Variants in KCNK17 observed in about 807,000 individuals in gnomAD.
KCNK17 encodes the protein potassium two pore domain channel subfamily K member 17, also known as potassium channel subfamily K member 17.
A neutral mutation model predicts 24.6 loss-of-function variants in KCNK17; 27 were observed. The ratio of observed to expected loss-of-function variants is 1.10; its 90% CI spans 0.81 to 1.51. The LOEUF (loss-of-function observed/expected upper bound fraction) is 1.51, where lower values mean the gene tolerates loss of function less well. Ranked by LOEUF, KCNK17 falls within the 40% of genes most tolerant of loss-of-function variation. KCNK17 has a pLI of 0.00. For synonymous variants in KCNK17, 181 were observed against 189.8 expected (o/e 0.95, Z 0.38); for missense variants, 450 against 436.6 (o/e 1.03, Z -0.27).
chr6:39,300,858 C>CCT (rs1253431856), intron 4 of KCNK17, among the ~76,000 whole-genome samples: 3 of 152,192 alleles, frequency 2.0e-5, no homozygotes, highest in Non-Finnish European at 4.4e-5. Flanking sequence ...ATCCTGCAGA[C>CCT]CTCAGTTCAG....
chr6:39,305,367 ATCTAAT>A (rs1389315075), intron 2 of KCNK17, among the ~76,000 whole-genome samples: 1 of 152,072 alleles, frequency 6.6e-6, no homozygotes, highest in African/African-American at 2.4e-5. Context: ...TCTCTTGCGC[ATCTAAT>A]TCTGTCTTGA....
At chr6:39,301,547 G>A (rs1169744443) in intron 4 of KCNK17, among the ~76,000 whole-genome samples, 7 of 152,358 alleles carry the variant, frequency 4.6e-5, no homozygotes, top group African/African-American at 1.7e-4. Context: ...GCACTGAGCC[G>A]GCTCTCTGGC....
intron 4 of KCNK17, among the ~76,000 whole-genome samples, chr6:39,302,234 T>C (rs1045940661): frequency 6.6e-6 from 1 of 152,164 alleles, no homozygotes; most frequent in Non-Finnish European, 1.5e-5. Context: ...AGGAGTGTTC[T>C]TGCCCATCCT....
At chr6:39,310,851 C>T (rs1407959834) in intron 2 of KCNK17, 42 bp downstream of exon 2, 4 of 1,331,278 alleles carry the variant, frequency 3.0e-6, no homozygotes, top group Non-Finnish European at 4.1e-6. Flanking sequence ...GGAGCTGCCT[C>T]CTTCCCCCAC....
chr6:39,313,656 T>C (rs1285996344), intron 1 of KCNK17, among the ~76,000 whole-genome samples: 1 of 152,176 alleles, frequency 6.6e-6, no homozygotes, highest in African/African-American at 2.4e-5. Context: ...GTTTAGCTCT[T>C]TGCCACGGGT....
chr6:39,312,846 C>T (rs1421822113), intron 1 of KCNK17, among the ~76,000 whole-genome samples: 2 of 152,236 alleles, frequency 1.3e-5, no homozygotes, highest in East Asian at 3.9e-4. Context: ...TGCAGAAGTC[C>T]GCAGGTGGGG....
At chr6:39,302,228 G>A (rs1221936934) in intron 4 of KCNK17, among the ~76,000 whole-genome samples, 1 of 152,192 alleles carries the variant, frequency 6.6e-6, no homozygotes, top group Non-Finnish European at 1.5e-5. Flanking sequence ...CTGGGCAGGA[G>A]TGTTCTTGCC....
In KCNK17 at chr6:39,299,670, C is replaced by T. The variant is rs375879562; in HGVS notation, c.756G>A (p.Gly252=). 5.0e-6 allele frequency: 8 copies of T among 1,614,008 alleles called. No homozygotes were observed. Among genetic ancestry groups the T allele is most frequent in the Non-Finnish European group, 6.8e-6 (8 of 1,180,034 alleles). The part of the protein sequence containing the change: ...KNMVSLWILF[G]MAWLALIIKL... ...TGATGATCAAGGCCAGCCATGCCAT[C>T]CCAAAGAGGATCCACAGGGACACCA... The change falls in exon 5 of 5, where the codon GGG becomes GGA. Residue 252 remains glycine, a synonymous_variant. Transcript: ENST00000373231.
At chr6:39,301,346 T>G (rs1761948087) in intron 4 of KCNK17, among the ~76,000 whole-genome samples, 1 of 152,216 alleles carries the variant, frequency 6.6e-6, no homozygotes, top group Admixed American at 6.5e-5. Flanking sequence ...CTACTCCTCA[T>G]CCTGTCCTGC....
At chr6:39,300,565 A>G (rs565104499) in intron 4 of KCNK17, 2 of 1,542,414 alleles carry the variant, frequency 1.3e-6, no homozygotes, top group Non-Finnish European at 1.8e-6. Flanking sequence ...AACCATAAGA[A>G]TATGTATCCT....
intron 2 of KCNK17, among the ~76,000 whole-genome samples, chr6:39,308,345 C>T (rs1303598256): frequency 6.6e-6 from 1 of 152,238 alleles, no homozygotes; most frequent in African/African-American, 2.4e-5. Flanking sequence ...GGCTGAAGTG[C>T]AGTGGCACAA....
At chr6:39,308,732 C>T (rs1367384597) in intron 2 of KCNK17, among the ~76,000 whole-genome samples, 2 of 152,242 alleles carry the variant, frequency 1.3e-5, no homozygotes, top group African/African-American at 2.4e-5. Flanking sequence ...TTGGAAAGTA[C>T]TGCCCTTGCA....
intron 4 of KCNK17, among the ~76,000 whole-genome samples, chr6:39,300,947 G>T (rs1761942724): frequency 6.6e-6 from 1 of 152,176 alleles, no homozygotes; most frequent in Admixed American, 6.5e-5. Flanking sequence ...TGCTGGGAAA[G>T]TTACTTCCTC....
intron 4 of KCNK17, among the ~76,000 whole-genome samples, chr6:39,301,311 T>C (rs1409133904): frequency 1.3e-5 from 2 of 152,230 alleles, no homozygotes; most frequent in Non-Finnish European, 2.9e-5. Flanking sequence ...CTTTTCTGTC[T>C]TTGCTCCCTG....
chr6:39,304,089 G>A lies in KCNK17; in HGVS notation c.556C>T (p.Leu186Phe), dbSNP rs1761992384. 3 of 1,612,222 alleles carry A rather than the reference G, an allele frequency of 1.9e-6. No homozygotes were observed. Among genetic ancestry groups the A allele is most frequent in the East Asian group, 2.2e-5 (1 of 44,876 alleles). The change falls in exon 4 of 5, where the codon CTC (leucine) becomes TTC (phenylalanine). Residue 186 changes from leucine (L) to phenylalanine (F), a missense_variant. Leu to Phe is a conservative substitution (Grantham distance 22, BLOSUM62 0). Coordinates refer to ENST00000373231, the MANE Select transcript of KCNK17 (RefSeq NM_031460.4). ...AGCAGGAAGAGCAGGAGGCCCGAGA[G>A]GAGGGCGCCAGAGCCCGCCAGCCAC... Reference protein sequence around the residue: ...ARWLAGSGALLSGLLLFLLLP... With the variant: ...ARWLAGSGALFSGLLLFLLLP...
At chr6:39,304,380 C>A in intron 3 of KCNK17, 115 bp downstream of exon 3, 6 of 1,006,094 alleles carry the variant, frequency 6.0e-6, no homozygotes, top group Non-Finnish European at 9.0e-6. Context: ...CCAATCCCAA[C>A]ACAACCTCAC....
intron 4 of KCNK17, among the ~76,000 whole-genome samples, chr6:39,303,011 T>C (rs1007036155): frequency 1.3e-5 from 2 of 152,166 alleles, no homozygotes; most frequent in African/African-American, 2.4e-5. Context: ...TGGAGTCAAA[T>C]AGATCAGGAT....
intron 4 of KCNK17, 35 bp downstream of exon 4, chr6:39,303,922 A>T (rs759560465): frequency 6.2e-7 from 1 of 1,601,632 alleles, no homozygotes; most frequent in South Asian, 1.1e-5. Context: ...AGGCAGCCGA[A>T]TGTCCCCGCC....
rs774376988 is a variant in KCNK17 at position 39,299,266 on chromosome 6, A to G, written c.*161T>C. The stretch of plus-strand genomic sequence containing the variant: ...CCGAAAGTCACATCCCATGTCACCC[A>G]GGACATGTCTCTGTATACCCTATTG... On this transcript the variant is annotated 3_prime_UTR_variant, in exon 5 of 5. Coordinates refer to ENST00000373231, the MANE Select transcript of KCNK17 (RefSeq NM_031460.4). The G allele has an allele frequency of 4.4e-5, 27 of 612,130 alleles. No individual in the cohort carries two copies. The highest frequency in any genetic ancestry group is 7.4e-5 in the Non-Finnish European group (26 of 351,316). 37.9% of individuals were successfully genotyped at this position (612,130 alleles called of 1,614,324 possible). A position where few individuals can be genotyped will look rare whatever the true frequency, so the allele number is the denominator to read the frequency against.
Sources: allele counts gnomAD v4.1 joint callset (sites outside exome capture counted in the v4.1 genomes callset), GRCh38; gene constraint gnomAD v4.1.1; transcripts MANE v1.5; gene names NCBI Gene and HGNC (gene_info 2026-07-23, HGNC 2026-07-21).